The following PSMA1 variants were observed in gnomAD, a reference collection of about 807,000 sequenced individuals.
The protein encoded by PSMA1 is proteasome 20S subunit alpha 1.
Under a neutral mutation model 38.4 loss-of-function variants are expected in PSMA1, and 3 were observed. The ratio of observed to expected loss-of-function variants is 0.08; its 90% confidence interval spans 0.04 to 0.20. The LOEUF (loss-of-function observed/expected upper bound fraction) is 0.20. PSMA1 is among the 10% of genes least tolerant of loss of function. The pLI is 1.00. For missense variants in PSMA1, 227 were observed against 325.3 expected (o/e 0.70, Z 2.32); for synonymous variants, 101 against 107.1 (o/e 0.94, Z 0.35).
intron 2 of PSMA1, among the ~76,000 whole-genome samples, 160 bp downstream of exon 2, chr11:14,518,837 A>C (rs1851478440): frequency 6.6e-6 from 1 of 152,194 alleles, no homozygotes; most frequent in Non-Finnish European, 1.5e-5. Flanking sequence ...AATGTCCTCT[A>C]GGTCCATCAG....
intron 2 of PSMA1, among the ~76,000 whole-genome samples, chr11:14,564,341 T>C (rs745760610): frequency 6.6e-6 from 1 of 152,250 alleles, no homozygotes; most frequent in Non-Finnish European, 1.5e-5. Context: ...CATAATTCTC[T>C]GGCGATTCAT....
At chr11:14,635,485 A>C (rs1419576825) in intron 1 of PSMA1, among the ~76,000 whole-genome samples, 1 of 152,232 alleles carries the variant, frequency 6.6e-6, no homozygotes, top group Non-Finnish European at 1.5e-5. Context: ...CTGGTTATTT[A>C]GCAGGAAAAT....
rs1364855203 is a variant in PSMA1 at position 14,631,842 on chromosome 11, T to G, written c.-166+11613A>C. ...CACTCAGGACTTGCTTTATGAATCT[T>G]GGTGCTCCTGTATTGGGTGCATATA... On this transcript the variant is annotated intron_variant, in intron 1 of 10. Transcript: ENST00000418988. Among the ~76,000 whole-genome samples the G allele has an allele frequency of 3.5e-3, 531 of 151,154 alleles. 5 individuals carry two copies. Among genetic ancestry groups the G allele is most frequent in the African/African-American group, 0.012 (477 of 41,066 alleles).
chr11:14,516,923 C>CA (rs972078400), intron 4 of PSMA1, among the ~76,000 whole-genome samples: 2 of 151,714 alleles, frequency 1.3e-5, no homozygotes, highest in Non-Finnish European at 2.9e-5. Context: ...GACTCCATCT[C>CA]AAAAAAATAA....
chr11:14,590,375 AG>A (rs1375990862), intron 2 of PSMA1, among the ~76,000 whole-genome samples: 1 of 152,236 alleles, frequency 6.6e-6, no homozygotes, highest in East Asian at 1.9e-4. Flanking sequence ...AAAGAAAAAC[AG>A]GGTTTTTTTT....
chr11:14,526,982 C>G (rs1009410127), intron 2 of PSMA1, among the ~76,000 whole-genome samples: 1 of 152,162 alleles, frequency 6.6e-6, no homozygotes, highest in Non-Finnish European at 1.5e-5. Flanking sequence ...AAAGGGACTA[C>G]GCGTCAATAT....
At chr11:14,551,345 C>G (rs918844372) in intron 2 of PSMA1, among the ~76,000 whole-genome samples, 1 of 152,034 alleles carries the variant, frequency 6.6e-6, no homozygotes, top group Admixed American at 6.5e-5. Flanking sequence ...AATTTAGAGT[C>G]CCTACGTAAT....
chr11:14,534,309 A>C lies in PSMA1; in HGVS notation c.22-15268T>G, dbSNP rs1851680697. On this transcript the variant is annotated intron_variant, in intron 2 of 10. Transcript: ENST00000418988. This position sits in a 1 kb window ranked among gnomAD's most constrained non-coding sequence, Gnocchi z 4.5. ...TTTAAACCTGCTTTTCTATGTAAAC[A>C]TTAAACCACGAACATTTCTTCATGT... 6.6e-6 allele frequency among the ~76,000 whole-genome samples: 1 copy of C among 152,244 alleles called. No homozygotes were observed. The highest frequency in any genetic ancestry group is 1.5e-5 in the Non-Finnish European group (1 of 68,048).
At chr11:14,633,863 G>A (rs1056005660) in intron 1 of PSMA1, among the ~76,000 whole-genome samples, 1 of 152,100 alleles carries the variant, frequency 6.6e-6, no homozygotes, top group Non-Finnish European at 1.5e-5. Context: ...TAAGTCCGTC[G>A]GAAAAGCGCA....
chr11:14,571,381 A>G (rs900262499), intron 2 of PSMA1, among the ~76,000 whole-genome samples: 1 of 152,208 alleles, frequency 6.6e-6, no homozygotes, highest in Non-Finnish European at 1.5e-5. Flanking sequence ...CTTAAACAAA[A>G]GAATTTTCAA....
chr11:14,608,478 G>C (rs1852669655), intron 2 of PSMA1, among the ~76,000 whole-genome samples: 1 of 151,074 alleles, frequency 6.6e-6, no homozygotes, highest in African/African-American at 2.4e-5. Flanking sequence ...GAGTTAATGG[G>C]TGAAGCACAC....
At chr11:14,535,643 C>T (rs1359144504) in intron 2 of PSMA1, among the ~76,000 whole-genome samples, 1 of 151,746 alleles carries the variant, frequency 6.6e-6, no homozygotes, top group Non-Finnish European at 1.5e-5. Context: ...GGGGGTTTCT[C>T]CATTTTGGTC....
intron 2 of PSMA1, among the ~76,000 whole-genome samples, chr11:14,532,117 GAA>G (rs11341828): frequency 0.037 from 5,570 of 148,836 alleles, 169 homozygotes; most frequent in Non-Finnish European, 0.056. Context: ...TTTTTTCTGT[GAA>G]AAAAAAAAAA....
intron 2 of PSMA1, among the ~76,000 whole-genome samples, chr11:14,584,001 G>A (rs1852311230): frequency 6.6e-6 from 1 of 152,160 alleles, no homozygotes; most frequent in Non-Finnish European, 1.5e-5. Flanking sequence ...GCCAATTACA[G>A]TGTCACAGCC....
intron 2 of PSMA1, among the ~76,000 whole-genome samples, chr11:14,533,759 T>G (rs1337179232): frequency 6.6e-6 from 1 of 151,898 alleles, no homozygotes; most frequent in Non-Finnish European, 1.5e-5. Flanking sequence ...CACCTCCCTC[T>G]TCTCATTTCA....
At chr11:14,611,367 A>G (rs1852706586) in intron 1 of PSMA1, among the ~76,000 whole-genome samples, 1 of 152,242 alleles carries the variant, frequency 6.6e-6, no homozygotes, top group Admixed American at 6.5e-5. Context: ...TAAAATACTT[A>G]GCACAGTCCT....
chr11:14,615,968 G>A (rs550505902), intron 1 of PSMA1, among the ~76,000 whole-genome samples: 9 of 152,250 alleles, frequency 5.9e-5, no homozygotes, highest in Admixed American at 2.6e-4. Flanking sequence ...GATAACCTGA[G>A]GGACATGGGA....
At chr11:14,614,813 A>G (rs1420086515) in intron 1 of PSMA1, among the ~76,000 whole-genome samples, 1 of 152,134 alleles carries the variant, frequency 6.6e-6, no homozygotes, top group Non-Finnish European at 1.5e-5. Context: ...AAGATCCCCA[A>G]AATGATCTTC....
intron 2 of PSMA1, among the ~76,000 whole-genome samples, chr11:14,543,864 G>A (rs1403364224): frequency 6.6e-6 from 1 of 152,076 alleles, no homozygotes; most frequent in Non-Finnish European, 1.5e-5. Flanking sequence ...AGAACCTACT[G>A]ACAACATTGA....
Sources: gnomAD v4.1 joint callset for allele counts (sites outside exome capture counted in the v4.1 genomes callset) on GRCh38, gnomAD v4.1.1 for gene constraint, Gnocchi (gnomAD v3.1) non-coding constraint, MANE v1.5 for transcripts, NCBI Gene and HGNC (gene_info 2026-07-23, HGNC 2026-07-21) for gene names.